ARHGAP10: variants seen among roughly 807,000 people sequenced by gnomAD.
ARHGAP10 encodes rho GTPase-activating protein 10.
ARHGAP10 carries 87 observed loss-of-function variants against 108.6 expected under a neutral mutation model. That is an observed-to-expected ratio of 0.80 (90% CI 0.67 to 0.96). The LOEUF is 0.96. Among genes scored for constraint, ARHGAP10 ranks in the 40% least tolerant of loss-of-function variants. The probability of loss-of-function intolerance (pLI) is 0.00; values close to 1 mark genes in which losing one functional copy is unlikely to be tolerated. For missense variants in ARHGAP10, 939 were observed against 954.5 expected, an observed-to-expected ratio of 0.98 and a Z score of 0.21; for synonymous variants, 347 against 341.1, an observed-to-expected ratio of 1.02 and a Z score of -0.19.
At chr4:147,758,662 A>AT (rs927928030) in intron 1 of ARHGAP10, among the ~76,000 whole-genome samples, 9 of 150,600 alleles carry the variant, frequency 6.0e-5, no homozygotes, top group Admixed American at 3.3e-4. Context: ...CAGGTGGTGT[A>AT]TTTTTTTTTA....
chr4:147,768,769 TG>T (rs1729942466), intron 1 of ARHGAP10, among the ~76,000 whole-genome samples: 1 of 148,596 alleles, frequency 6.7e-6, no homozygotes. Context: ...CAGGGAATCT[TG>T]CTCTGTCACC....
At chr4:147,738,559 C>G (rs537529944) in intron 1 of ARHGAP10, among the ~76,000 whole-genome samples, 13 of 150,498 alleles carry the variant, frequency 8.6e-5, no homozygotes, top group African/African-American at 2.4e-4. Flanking sequence ...TCTCCCCCCC[C>G]CAAAAAAAAT....
At chr4:147,963,801 C>T (rs780157440) in intron 16 of ARHGAP10, among the ~76,000 whole-genome samples, 5 of 152,172 alleles carry the variant, frequency 3.3e-5, no homozygotes, top group Non-Finnish European at 5.9e-5. Flanking sequence ...GGTTGCTGGC[C>T]GTCCTTAGTA....
At chr4:147,893,967 A>G (rs1174602617) in intron 10 of ARHGAP10, among the ~76,000 whole-genome samples, 3 of 152,190 alleles carry the variant, frequency 2.0e-5, no homozygotes, top group Non-Finnish European at 4.4e-5. Flanking sequence ...TGATATTTAA[A>G]TGGAAATCTG....
rs72123695 is a variant in ARHGAP10, at chr4:148,003,894, G to GTAAGCC, written c.1717-19365_1717-19360dup. Reference sequence around the variant, plus strand: ...GCCCAACAGTGTCTTTTATCTGAGTGTAAGCCTAAATCAGCAAGTGAAGAA... The same window carrying GTAAGCC: ...GCCCAACAGTGTCTTTTATCTGAGTGTAAGCCTAAGCCTAAATCAGCAAGTGAAGAA... On this transcript the variant is annotated intron_variant, in intron 18 of 22. Coordinates refer to ENST00000336498, the MANE Select transcript of ARHGAP10 (RefSeq NM_024605.4). Among the ~76,000 whole-genome samples the GTAAGCC allele has an allele frequency of 4.9e-5, 6 of 121,750 alleles. 1 individual carries two copies. Among genetic ancestry groups the GTAAGCC allele is most frequent in the African/African-American group, 2.1e-4 (5 of 24,224 alleles). The allele number at this position is 121,750 out of a possible 152,430, so 79.9% of individuals were successfully genotyped here.
intron 1 of ARHGAP10, among the ~76,000 whole-genome samples, chr4:147,755,940 CAG>C (rs1729350870): frequency 6.6e-6 from 1 of 151,854 alleles, no homozygotes; most frequent in Non-Finnish European, 1.5e-5. Flanking sequence ...CTGCATGTAA[CAG>C]AATAGCCAGT....
At chr4:147,737,575 G>T (rs980766370) in intron 1 of ARHGAP10, among the ~76,000 whole-genome samples, 1 of 152,084 alleles carries the variant, frequency 6.6e-6, no homozygotes, top group African/African-American at 2.4e-5. Flanking sequence ...TAAATTGCAG[G>T]GTAATTTTTT....
intron 3 of ARHGAP10, among the ~76,000 whole-genome samples, chr4:147,824,215 G>A (rs754293993): frequency 1.3e-5 from 2 of 151,972 alleles, no homozygotes; most frequent in East Asian, 1.9e-4. Flanking sequence ...CCAGCTACTC[G>A]GGAGGCTGAG....
intron 10 of ARHGAP10, among the ~76,000 whole-genome samples, chr4:147,887,169 G>A (rs1473561711): frequency 6.6e-6 from 1 of 151,874 alleles, no homozygotes; most frequent in Non-Finnish European, 1.5e-5. Context: ...GTCCTATTTT[G>A]TTGTGAAAAT....
intron 16 of ARHGAP10, among the ~76,000 whole-genome samples, chr4:147,964,465 G>A (rs1240427706): frequency 6.6e-6 from 1 of 152,168 alleles, no homozygotes; most frequent in Non-Finnish European, 1.5e-5. Flanking sequence ...GGCTCTGTGA[G>A]TCTAAACTTT....
intron 13 of ARHGAP10, among the ~76,000 whole-genome samples, chr4:147,933,805 G>A (rs1183022291): frequency 1.3e-5 from 2 of 152,218 alleles, no homozygotes; most frequent in African/African-American, 4.8e-5. Flanking sequence ...GTTGATATGA[G>A]GCCCTCTTGG....
intron 4 of ARHGAP10, among the ~76,000 whole-genome samples, chr4:147,851,491 G>A (rs1176155240): frequency 6.6e-6 from 1 of 152,142 alleles, no homozygotes; most frequent in Admixed American, 6.5e-5. Context: ...GGGATTACAG[G>A]CTTGAGCCAC....
intron 19 of ARHGAP10, among the ~76,000 whole-genome samples, chr4:148,040,752 C>A (rs1006057986): frequency 7.9e-5 from 12 of 151,650 alleles, no homozygotes; most frequent in African/African-American, 2.7e-4. Flanking sequence ...TGTTTCTGTT[C>A]GACAGAAATG....
chr4:147,990,799 A>T (rs746216727), intron 18 of ARHGAP10, among the ~76,000 whole-genome samples: 14 of 152,116 alleles, frequency 9.2e-5, no homozygotes, highest in Admixed American at 2.6e-4. Flanking sequence ...GAGCACGAGG[A>T]TCACAAAACT....
chr4:147,938,598 T>G (rs942296666), intron 13 of ARHGAP10, among the ~76,000 whole-genome samples: 1 of 152,202 alleles, frequency 6.6e-6, no homozygotes, highest in African/African-American at 2.4e-5. Context: ...CTCTTCCTCA[T>G]GAGTGACTGA....
chr4:148,051,426 C>T lies in ARHGAP10; in HGVS notation c.2027+4375C>T, dbSNP rs374769828. ...GGAGCCGGGTCCTTGACAAGTAATC[C>T]TTTTAGATTCTCTGCCACAAAAGAA... On this transcript the variant is annotated intron_variant, in intron 20 of 22. Coordinates refer to ENST00000336498, the MANE Select transcript of ARHGAP10 (RefSeq NM_024605.4). Among the ~76,000 whole-genome samples the T allele has an allele frequency of 2.6e-3, 400 of 152,324 alleles. 4 individuals are homozygous for T. The South Asian group carries it at 0.032, about 12-fold the overall frequency.
intron 1 of ARHGAP10, among the ~76,000 whole-genome samples, chr4:147,793,806 G>A (rs553528054): frequency 1.3e-5 from 2 of 152,266 alleles, no homozygotes; most frequent in Admixed American, 1.3e-4. Context: ...TAAGCTTCTT[G>A]ACCTTTGTAC....
In ARHGAP10 at chr4:147,825,652, C is replaced by G. The variant is rs184283366; in HGVS notation, c.312+2695C>G. Reference sequence around the variant, plus strand: ...GATCCTGTAGTCATCAATTTTTCAGCTATTTAGGAAAGACTAAATAAGATG... The same window carrying G: ...GATCCTGTAGTCATCAATTTTTCAGGTATTTAGGAAAGACTAAATAAGATG... On this transcript the variant is annotated intron_variant, in intron 3 of 22. Coordinates refer to ENST00000336498, the MANE Select transcript of ARHGAP10 (RefSeq NM_024605.4). Among the ~76,000 whole-genome samples the G allele has an allele frequency of 1.5e-3, 232 of 152,216 alleles. 2 individuals carry two copies. Among genetic ancestry groups the G allele is most frequent in the Non-Finnish European group, 6.2e-4 (42 of 68,000 alleles).
chr4:147,866,664 TC>T, intron 6 of ARHGAP10, 47 bp from the exon 7 acceptor site: 1 of 1,393,842 alleles, frequency 7.2e-7, no homozygotes, highest in Non-Finnish European at 1.0e-6. Context: ...ATTCTTTTTT[TC>T]TCCTGAGTTT....
Sources: allele counts gnomAD v4.1 joint callset (sites outside exome capture counted in the v4.1 genomes callset), GRCh38; gene constraint gnomAD v4.1.1; transcripts MANE v1.5; gene names NCBI Gene and HGNC (gene_info 2026-07-23, HGNC 2026-07-21).